GUCY1A2: variants seen among roughly 807,000 people sequenced by gnomAD.
GUCY1A2 encodes guanylate cyclase soluble subunit alpha-2.
Under a neutral mutation model 63.5 loss-of-function variants are expected in GUCY1A2, and 27 were observed. That is an observed-to-expected ratio of 0.43 (90% CI 0.31 to 0.59). GUCY1A2 has a LOEUF of 0.59. Among genes scored for constraint, GUCY1A2 ranks in the 20% least tolerant of loss-of-function variants. The probability of loss-of-function intolerance (pLI) is 0.11; values close to 1 mark genes in which losing one functional copy is unlikely to be tolerated. For missense variants in GUCY1A2, 768 were observed against 913.3 expected, an observed-to-expected ratio of 0.84 and a Z score of 2.05; for synonymous variants, 364 against 343.5, an observed-to-expected ratio of 1.06 and a Z score of -0.66.
intron 7 of GUCY1A2, among the ~76,000 whole-genome samples, chr11:106,690,248 T>C (rs567607351): frequency 1.9e-4 from 29 of 152,254 alleles, no homozygotes; most frequent in Admixed American, 9.2e-4. Context: ...CTATTCACAA[T>C]AGCAAAGACA....
chr11:106,803,350 C>T (rs1008507551), intron 5 of GUCY1A2, among the ~76,000 whole-genome samples: 8 of 152,086 alleles, frequency 5.3e-5, no homozygotes, highest in African/African-American at 1.2e-4. Flanking sequence ...TAATGCATTT[C>T]GGAAAGCTAT....
chr11:106,993,622 A>T (rs189167082), intron 1 of GUCY1A2, among the ~76,000 whole-genome samples: 12 of 152,046 alleles, frequency 7.9e-5, no homozygotes, highest in South Asian at 2.1e-4. Context: ...ACCTTTTTTT[A>T]AAAAAAATAA....
At chr11:106,885,339 T>A (rs1369423797) in intron 4 of GUCY1A2, among the ~76,000 whole-genome samples, 1 of 152,116 alleles carries the variant, frequency 6.6e-6, no homozygotes, top group Non-Finnish European at 1.5e-5. Context: ...TCCATCAATC[T>A]TACATTAACT....
At chr11:106,963,300 T>A (rs1861084186) in intron 3 of GUCY1A2, among the ~76,000 whole-genome samples, 1 of 152,158 alleles carries the variant, frequency 6.6e-6, no homozygotes, top group African/African-American at 2.4e-5. Flanking sequence ...AAAATTATCA[T>A]AATAGTAAAG....
chr11:106,711,240 T>C (rs1015545585), intron 6 of GUCY1A2, among the ~76,000 whole-genome samples: 2 of 152,040 alleles, frequency 1.3e-5, no homozygotes, highest in African/African-American at 2.4e-5. Context: ...TATAAAAGAG[T>C]TGGCATTTCA....
chr11:106,721,653 T>A (rs557664065), intron 6 of GUCY1A2, among the ~76,000 whole-genome samples: 2 of 152,326 alleles, frequency 1.3e-5, no homozygotes, highest in South Asian at 4.1e-4. Flanking sequence ...GTCTCTCAAC[T>A]GGAGAAGTGT....
intron 4 of GUCY1A2, among the ~76,000 whole-genome samples, chr11:106,880,070 C>T (rs1304993762): frequency 3.9e-5 from 6 of 152,014 alleles, no homozygotes; most frequent in South Asian, 2.1e-4. Flanking sequence ...ATGGCCAGTG[C>T]GCTTGACAGC....
At chr11:107,001,140 T>G (rs765009162) in intron 1 of GUCY1A2, among the ~76,000 whole-genome samples, 2 of 152,172 alleles carry the variant, frequency 1.3e-5, no homozygotes, top group African/African-American at 4.8e-5. Context: ...GGAAGAAAGA[T>G]AAAATCTTTC....
At chr11:106,830,386 T>C (rs1859034160) in intron 4 of GUCY1A2, among the ~76,000 whole-genome samples, 1 of 152,168 alleles carries the variant, frequency 6.6e-6, no homozygotes, top group Non-Finnish European at 1.5e-5. Context: ...GTCAACTTGA[T>C]TGGATTGAAG....
At chr11:106,940,248 G>A in intron 3 of GUCY1A2, 70 bp from the exon 4 acceptor site, 1 of 743,962 alleles carries the variant, frequency 1.3e-6, no homozygotes. Flanking sequence ...CTTTTTAAGT[G>A]CTTATCAAAA....
At chr11:107,009,500 C>T (rs914778260) in intron 1 of GUCY1A2, among the ~76,000 whole-genome samples, 1 of 150,838 alleles carries the variant, frequency 6.6e-6, no homozygotes, top group South Asian at 2.1e-4. Context: ...ATATCTGTTT[C>T]TCTGTTTTGG....
chr11:106,854,756 C>G (rs1326259597), intron 4 of GUCY1A2, among the ~76,000 whole-genome samples: 2 of 152,100 alleles, frequency 1.3e-5, no homozygotes, highest in Non-Finnish European at 2.9e-5. Context: ...CTATGGAAGT[C>G]CTGTCCTCAG....
chr11:106,709,467 AATAT>A (rs1303368565), intron 6 of GUCY1A2, among the ~76,000 whole-genome samples: 1 of 87,712 alleles, frequency 1.1e-5, no homozygotes, highest in Non-Finnish European at 2.0e-5. Flanking sequence ...TTTATAGAAT[AATAT>A]ATATTATTAT....
intron 3 of GUCY1A2, among the ~76,000 whole-genome samples, chr11:106,944,746 G>A (rs938067780): frequency 1.3e-5 from 2 of 152,128 alleles, no homozygotes; most frequent in African/African-American, 2.4e-5. Flanking sequence ...ACCCCCATGT[G>A]AGTACTCTGA....
intron 6 of GUCY1A2, among the ~76,000 whole-genome samples, chr11:106,725,786 C>T (rs1345718725): frequency 6.6e-6 from 1 of 151,930 alleles, no homozygotes; most frequent in Non-Finnish European, 1.5e-5. Context: ...CAGTGACAGG[C>T]ATTTGCATGT....
chr11:106,776,623 G>C, intron 5 of GUCY1A2, 41 bp from the exon 6 acceptor site: 1 of 1,578,302 alleles, frequency 6.3e-7, no homozygotes, highest in Non-Finnish European at 8.7e-7. Flanking sequence ...GTATGATAAT[G>C]AGCCCAAAGA....
At chr11:106,981,592 C>G (rs973273310) in intron 2 of GUCY1A2, among the ~76,000 whole-genome samples, 6 of 152,000 alleles carry the variant, frequency 3.9e-5, no homozygotes, top group African/African-American at 1.4e-4. Context: ...ATTATCACAT[C>G]TCTCATAGTA....
rs143154066 is a variant in GUCY1A2, at chr11:106,718,981, A to G, written c.1837-10315T>C. Among the ~76,000 whole-genome samples the G allele has an allele frequency of 3.0e-4, 46 of 152,282 alleles. 1 individual carries two copies. The highest frequency in any genetic ancestry group is 1.0e-3 in the African/African-American group (43 of 41,576). ...CATCCAGTCTTTGGCTATCTAACCAATGGCACTAAGGATACACTTATTCTA... is the reference window on the plus strand; with the variant it reads ...CATCCAGTCTTTGGCTATCTAACCAGTGGCACTAAGGATACACTTATTCTA... On this transcript the variant is annotated intron_variant, in intron 6 of 7. Transcript: ENST00000526355.
At position 106,810,487 on chromosome 11, in the gene GUCY1A2, T is replaced by A; in HGVS notation, c.1207-9A>T. 6.3e-7 allele frequency: 1 copy of A among 1,587,438 alleles called. No homozygotes were observed. The highest frequency in any genetic ancestry group is 2.2e-5 in the East Asian group (1 of 44,512). Reference sequence around the variant, plus strand: ...CCTTTGACTTCCATCACCTGTGAAATTAACATGGAATTTTGATCAGTACTC... The same window carrying A: ...CCTTTGACTTCCATCACCTGTGAAAATAACATGGAATTTTGATCAGTACTC... On this transcript the variant is annotated splice_polypyrimidine_tract_variant and intron_variant, in intron 4 of 7. Transcript: ENST00000526355.
Sources: gnomAD v4.1 joint callset for allele counts (sites outside exome capture counted in the v4.1 genomes callset) on GRCh38, gnomAD v4.1.1 for gene constraint, MANE v1.5 for transcripts, NCBI Gene and HGNC (gene_info 2026-07-23, HGNC 2026-07-21) for gene names.